HTR5A: variants seen among roughly 807,000 people sequenced by gnomAD.
HTR5A encodes 5-HT-5.
Under a neutral mutation model 24.3 loss-of-function variants are expected in HTR5A, and 21 were observed. The ratio of observed to expected loss-of-function variants is 0.86; its 90% CI spans 0.61 to 1.24. The LOEUF (loss-of-function observed/expected upper bound fraction) is 1.24. Ranked by LOEUF, HTR5A falls within the 50% of genes most tolerant of loss-of-function variation. HTR5A has a pLI of 0.00. For synonymous variants in HTR5A, 260 were observed against 213.7 expected, an observed-to-expected ratio of 1.22 and a Z score of -1.89; for missense variants, 497 against 489.5, an observed-to-expected ratio of 1.02 and a Z score of -0.15.
At chr7:155,074,946 G>A (rs143747795) in intron 1 of HTR5A, among the ~76,000 whole-genome samples, 3 of 152,302 alleles carry the variant, frequency 2.0e-5, no homozygotes, top group African/African-American at 7.2e-5. Flanking sequence ...GAGGTTTGAA[G>A]CCTTTTACAC....
Position 155,087,233 on chromosome 7 carries a change from A to G in HTR5A, c.*2746A>G, listed in dbSNP as rs1404683799. 6.6e-6 allele frequency among the ~76,000 whole-genome samples: 1 copy of G among 152,160 alleles called. No homozygotes were observed. Among genetic ancestry groups the G allele is most frequent in the African/African-American group, 2.4e-5 (1 of 41,448 alleles). On this transcript the variant is annotated 3_prime_UTR_variant, in exon 2 of 2. Transcript: ENST00000287907. ...TGTAGGGATTAATTCTTGATAAAAA[A>G]AAAGCTTGTTATTTCTCTCTTCTTT...
At chr7:155,080,327 C>T (rs1795402110) in intron 1 of HTR5A, among the ~76,000 whole-genome samples, 1 of 152,210 alleles carries the variant, frequency 6.6e-6, no homozygotes, top group South Asian at 2.1e-4. Context: ...AACACCTCAG[C>T]CTTGCGAACT....
At chr7:155,072,295 G>A (rs1795306094) in intron 1 of HTR5A, among the ~76,000 whole-genome samples, 2 of 152,142 alleles carry the variant, frequency 1.3e-5, no homozygotes, top group Admixed American at 1.3e-4. Context: ...CACTGCCTTA[G>A]GGTGTTACTT....
chr7:155,085,670 T>A lies in HTR5A; in HGVS notation c.*1183T>A, dbSNP rs924501817. 6.6e-6 allele frequency: 1 copy of A among 152,188 alleles called. No individual in the cohort carries two copies. The highest frequency in any genetic ancestry group is 2.4e-5 in the African/African-American group (1 of 41,446). The allele number at this position is 152,188 out of a possible 1,614,324, so 9.4% of individuals were successfully genotyped here. A position where few individuals can be genotyped will look rare whatever the true frequency, so the allele number is the denominator to read the frequency against. Reference sequence around the variant, plus strand: ...TTACACAAAACTTAAAAAAAAATCCTAGGCAATAAAACTGCCTGTGGTCTG... The same window carrying A: ...TTACACAAAACTTAAAAAAAAATCCAAGGCAATAAAACTGCCTGTGGTCTG... On this transcript the variant is annotated 3_prime_UTR_variant, in exon 2 of 2. Transcript: ENST00000287907.
rs76061152 is a variant in HTR5A at position 155,072,932 on chromosome 7, G to A, written c.741+1292G>A. ...GGAAAGAAGAAAACGAGGGGTCAGAGGCTACCTGTTCTTTTACCTATATCA... is the reference window on the plus strand; with the variant it reads ...GGAAAGAAGAAAACGAGGGGTCAGAAGCTACCTGTTCTTTTACCTATATCA... On this transcript the variant is annotated intron_variant, in intron 1 of 1. Coordinates refer to ENST00000287907, the MANE Select transcript of HTR5A (RefSeq NM_024012.4). 1.1e-4 allele frequency among the ~76,000 whole-genome samples: 17 copies of A among 152,246 alleles called. No homozygotes were observed. The East Asian group carries it at 1.7e-3, about 16-fold the overall frequency.
intron 1 of HTR5A, 61 bp downstream of exon 1, chr7:155,071,701 G>A: frequency 1.3e-6 from 2 of 1,537,282 alleles, no homozygotes; most frequent in South Asian, 1.2e-5. Context: ...TATATCCCCA[G>A]GCCACCTGCC....
chr7:155,071,449 A>T lies in HTR5A; in HGVS notation c.550A>T (p.Thr184Ser), dbSNP rs1259973091. The T allele has an allele frequency of 6.2e-7, 1 of 1,613,982 alleles. No individual in the cohort carries two copies. The highest frequency in any genetic ancestry group is 1.3e-5 in the African/African-American group (1 of 74,892). ...LAPLLFGWGE[T>S]YSEGSEECQV... ...CCCGCTGCTTTTTGGCTGGGGAGAGACGTACTCTGAGGGCAGCGAGGAGTG... is the reference window on the plus strand; with the variant it reads ...CCCGCTGCTTTTTGGCTGGGGAGAGTCGTACTCTGAGGGCAGCGAGGAGTG... Residue 184 changes from threonine (T) to serine (S), a missense_variant, in exon 1 of 2, where the codon ACG (threonine) becomes TCG (serine). Coordinates refer to ENST00000287907, the MANE Select transcript of HTR5A (RefSeq NM_024012.4).
intron 1 of HTR5A, chr7:155,074,469 G>C (rs1399901048): frequency 6.6e-6 from 1 of 152,174 alleles, no homozygotes; most frequent in Non-Finnish European, 1.5e-5. Context: ...TTTTTGAGAT[G>C]TGGGTAGATG....
Position 155,071,400 on chromosome 7 carries a change from A to C in HTR5A, c.501A>C (p.Ala167=). Residue 167 remains alanine (A), a synonymous_variant, in exon 1 of 2, where the codon GCA becomes GCC. Coordinates refer to ENST00000287907, the MANE Select transcript of HTR5A (RefSeq NM_024012.4). The part of the protein sequence containing the change: ...VSNVMIALTW[A]LSAVISLAPL... ...ACGTCATGATCGCGCTCACCTGGGC[A>C]CTCTCCGCTGTCATCTCTCTGGCCC... 2 of 1,614,040 alleles carry C rather than the reference A, an allele frequency of 1.2e-6. No individual in the cohort carries two copies. Among genetic ancestry groups the C allele is most frequent in the Non-Finnish European group, 1.7e-6 (2 of 1,180,020 alleles).
Position 155,070,762 on chromosome 7 carries a change from A to G in HTR5A, c.-138A>G. On this transcript the variant is annotated 5_prime_UTR_variant, in exon 1 of 2. Transcript: ENST00000287907. ...CTCACTAGCAGGAAATTGGGGCCAA[A>G]TTCACAGGCACTTTCCAGAAACTCC... 1.1e-6 allele frequency: 1 copy of G among 944,830 alleles called. No homozygotes were observed. The highest frequency in any genetic ancestry group is 1.6e-6 in the Non-Finnish European group (1 of 626,674). The allele number at this position is 944,830 out of a possible 1,614,324, so 58.5% of individuals were successfully genotyped here. A position where few individuals can be genotyped will look rare whatever the true frequency, so the allele number is the denominator to read the frequency against.
At position 155,070,717 on chromosome 7, in the gene HTR5A, C is replaced by A; in HGVS notation, c.-183C>A. 1.5e-6 allele frequency: 1 copy of A among 669,034 alleles called. No individual in the cohort carries two copies. The highest frequency in any genetic ancestry group is 2.6e-6 in the Non-Finnish European group (1 of 390,372). The allele number at this position is 669,034 out of a possible 1,614,324, so 41.4% of individuals were successfully genotyped here. ...GCTTCAGACCTGCCGCGCTTGCAGC[C>A]ACACCATCTCCAACGGATGCTCACT... is the stretch of plus-strand genomic sequence containing the variant. On this transcript the variant is annotated 5_prime_UTR_variant, in exon 1 of 2. Transcript: ENST00000287907.
rs778586882 is a variant in HTR5A at position 155,071,487 on chromosome 7, C to T, written c.588C>T (p.Arg196=). The T allele has an allele frequency of 1.2e-6, 2 of 1,614,188 alleles. No individual in the cohort carries two copies. Among genetic ancestry groups the T allele is most frequent in the Admixed American group, 1.7e-5 (1 of 60,028 alleles). ...SEGSEECQVS[R]EPSYAVFSTV... ...GCAGCGAGGAGTGCCAGGTAAGCCG[C>T]GAGCCTTCCTACGCCGTGTTCTCCA... Residue 196 remains arginine (R), a synonymous_variant, in exon 1 of 2, where the codon CGC becomes CGT. Transcript: ENST00000287907.
chr7:155,077,904 T>C (rs1393066257), intron 1 of HTR5A, among the ~76,000 whole-genome samples: 2 of 152,248 alleles, frequency 1.3e-5, no homozygotes, highest in Non-Finnish European at 2.9e-5. Flanking sequence ...CTGGTAGTTA[T>C]ATTGACACCC....
chr7:155,074,331 A>G (rs1345786805), intron 1 of HTR5A, among the ~76,000 whole-genome samples: 1 of 152,192 alleles, frequency 6.6e-6, no homozygotes, highest in Non-Finnish European at 1.5e-5. Flanking sequence ...ATAAAATGAC[A>G]AAGAAAAATG....
rs1795454745 is a variant in HTR5A, at chr7:155,084,506, A to T, written c.*19A>T. On this transcript the variant is annotated 3_prime_UTR_variant, in exon 2 of 2. Coordinates refer to ENST00000287907, the MANE Select transcript of HTR5A (RefSeq NM_024012.4). Reference sequence around the variant, plus strand: ...ACACTGAGGGAGAGGACCAGGATTGAAAAAAGTTTCTTCCCATAATTCAGT... The same window carrying T: ...ACACTGAGGGAGAGGACCAGGATTGTAAAAAGTTTCTTCCCATAATTCAGT... 5 of 1,571,976 alleles carry T rather than the reference A, an allele frequency of 3.2e-6. No individual in the cohort carries two copies. Among genetic ancestry groups the T allele is most frequent in the East Asian group, 2.2e-5 (1 of 44,552 alleles).
chr7:155,080,221 A>G (rs185703113), intron 1 of HTR5A, among the ~76,000 whole-genome samples: 122 of 152,368 alleles, frequency 8.0e-4, no homozygotes, highest in African/African-American at 2.8e-3. Flanking sequence ...ATACACCTTC[A>G]TGGCAAGAGG....
Position 155,086,952 on chromosome 7 carries a change from G to A in HTR5A, c.*2465G>A, listed in dbSNP as rs982151658. Among the ~76,000 whole-genome samples the A allele has an allele frequency of 2.6e-5, 4 of 152,294 alleles. 1 individual carries two copies. The highest frequency in any genetic ancestry group is 3.4e-3 in the Middle Eastern group (1 of 294). The stretch of plus-strand genomic sequence containing the variant: ...GATGGTGCACCTAGAGAAGGCTGGA[G>A]GGTTTCCTGCAAGCCCTCTCTGTAG... On this transcript the variant is annotated 3_prime_UTR_variant, in exon 2 of 2. Transcript: ENST00000287907.
At chr7:155,072,091 A>G (rs1480129442) in intron 1 of HTR5A, among the ~76,000 whole-genome samples, 1 of 152,136 alleles carries the variant, frequency 6.6e-6, no homozygotes, top group African/African-American at 2.4e-5. Context: ...TGATAAGAAG[A>G]CTGCCATGAG....
chr7:155,073,185 G>T lies in HTR5A; in HGVS notation c.741+1545G>T, dbSNP rs1454606621. On this transcript the variant is annotated intron_variant, in intron 1 of 1. Transcript: ENST00000287907. ...TATACAAAAAAATTAGCCAGGCGTGGTGGCAGGCGCCTGTAGTCCCAGCTA... is the reference window on the plus strand; with the variant it reads ...TATACAAAAAAATTAGCCAGGCGTGTTGGCAGGCGCCTGTAGTCCCAGCTA... 2.0e-5 allele frequency among the ~76,000 whole-genome samples: 3 copies of T among 152,086 alleles called. No homozygotes were observed. In the East Asian group the frequency reaches 5.8e-4, roughly 29 times the overall value.
Sources: allele counts gnomAD v4.1 joint callset (sites outside exome capture counted in the v4.1 genomes callset), GRCh38; gene constraint gnomAD v4.1.1; transcripts MANE v1.5; gene names NCBI Gene and HGNC (gene_info 2026-07-23, HGNC 2026-07-21).